FSTL4: variants seen among roughly 807,000 people sequenced by gnomAD.
FSTL4 encodes follistatin like 4.
A neutral mutation model predicts 78.2 loss-of-function variants in FSTL4; 28 were observed. That is an observed-to-expected ratio of 0.36 (90% CI 0.27 to 0.49). FSTL4 has a LOEUF of 0.49. FSTL4 is among the 20% of genes least tolerant of loss of function. The pLI is 0.98. For synonymous variants in FSTL4, 422 were observed against 440.5 expected (o/e 0.96, Z 0.53); for missense variants, 922 against 1,084.9 (o/e 0.85, Z 2.11).
At chr5:133,761,383 A>G in the FSTL4 span, among the ~76,000 whole-genome samples, 1 of 152,172 alleles carries the variant, frequency 6.6e-6, no homozygotes, top group Non-Finnish European at 1.5e-5. Flanking sequence ...TTTTATTCTA[A>G]CATTCTCGGT....
At chr5:133,435,598 T>A (rs1757019142) in intron 3 of FSTL4, among the ~76,000 whole-genome samples, 1 of 152,230 alleles carries the variant, frequency 6.6e-6, no homozygotes, top group Non-Finnish European at 1.5e-5. Flanking sequence ...AAATAACTGA[T>A]GATCCTTTTT....
chr5:133,221,699 A>C (rs546994906), intron 11 of FSTL4, among the ~76,000 whole-genome samples: 1 of 152,090 alleles, frequency 6.6e-6, no homozygotes, highest in African/African-American at 2.4e-5. Flanking sequence ...CTGTCTCTAT[A>C]AAGGGGGAAC....
chr5:133,756,376 C>G, the FSTL4 span, among the ~76,000 whole-genome samples: 2 of 151,742 alleles, frequency 1.3e-5, no homozygotes, highest in African/African-American at 2.4e-5. Flanking sequence ...GGCTTTTACT[C>G]TGTGTGGCAG....
intron 13 of FSTL4, among the ~76,000 whole-genome samples, chr5:133,212,268 CCATTGGATTT>C (rs1453981898): frequency 6.6e-6 from 1 of 152,206 alleles, no homozygotes; most frequent in Admixed American, 6.5e-5. Flanking sequence ...TAACCTTCTC[CCATTGGATTT>C]CATACTCTTA....
At chr5:133,775,591 A>G in the FSTL4 span, among the ~76,000 whole-genome samples, 1 of 152,220 alleles carries the variant, frequency 6.6e-6, no homozygotes. Flanking sequence ...TACATAGCGG[A>G]ACTCCATTTT....
At chr5:133,704,416 A>G in the FSTL4 span, among the ~76,000 whole-genome samples, 23 of 152,332 alleles carry the variant, frequency 1.5e-4, no homozygotes, top group East Asian at 5.8e-4. Context: ...CTACAGGCCA[A>G]GGCTGGGGTC....
At chr5:133,203,526 A>AT (rs1750394787) in intron 14 of FSTL4, among the ~76,000 whole-genome samples, 2 of 152,128 alleles carry the variant, frequency 1.3e-5, no homozygotes, top group African/African-American at 2.4e-5. Context: ...GCAAGCCATG[A>AT]TTTTCAGGTT....
At chr5:133,742,997 G>T in the FSTL4 span, among the ~76,000 whole-genome samples, 1 of 152,138 alleles carries the variant, frequency 6.6e-6, no homozygotes, top group Non-Finnish European at 1.5e-5. Context: ...GATTAGCAAA[G>T]AAAATATTTG....
chr5:133,731,613 G>C, the FSTL4 span, among the ~76,000 whole-genome samples: 2 of 152,130 alleles, frequency 1.3e-5, no homozygotes, highest in East Asian at 3.9e-4. Flanking sequence ...GGCTTGGGTG[G>C]GGGGCCAAGG....
At chr5:133,299,035 CA>C in intron 6 of FSTL4, among the ~76,000 whole-genome samples, 1 of 152,354 alleles carries the variant, frequency 6.6e-6, no homozygotes, top group East Asian at 1.9e-4. Context: ...ACACTGTTTT[CA>C]AAAGGAACAG....
At chr5:133,200,568 AACTTTAGCAGAGGG>A (rs1750289732) in intron 15 of FSTL4, among the ~76,000 whole-genome samples, 1 of 152,214 alleles carries the variant, frequency 6.6e-6, no homozygotes, top group Admixed American at 6.5e-5. Flanking sequence ...TCTAAGAGGG[AACTTTAGCAGAGGG>A]ACTCAGGTAG....
the FSTL4 span, among the ~76,000 whole-genome samples, chr5:133,653,374 C>G: frequency 2.6e-5 from 4 of 152,140 alleles, no homozygotes; most frequent in African/African-American, 4.8e-5. Flanking sequence ...GGCACCCCAG[C>G]CAATTGGAGG....
rs537958018 is a variant in FSTL4, at chr5:133,571,311, A to G, written c.127-4092T>C. On this transcript the variant is annotated intron_variant, in intron 2 of 15. Transcript: ENST00000265342. ...TCTATCTGTCTAACAAGGAAAAATA[A>G]ATCCTCTGTGGAAATCTATAAAGTG... Among the ~76,000 whole-genome samples, 6 of 152,322 alleles carry G rather than the reference A, an allele frequency of 3.9e-5. No homozygotes were observed. The South Asian group carries it at 1.2e-3, about 32-fold the overall frequency.
intron 3 of FSTL4, among the ~76,000 whole-genome samples, chr5:133,443,407 G>T (rs1191664806): frequency 6.6e-6 from 1 of 152,232 alleles, no homozygotes; most frequent in South Asian, 2.1e-4. Flanking sequence ...TCTAGTGTTG[G>T]CGCAACTCAT....
At chr5:133,804,249 A>G in the FSTL4 span, among the ~76,000 whole-genome samples, 2 of 152,282 alleles carry the variant, frequency 1.3e-5, no homozygotes, top group African/African-American at 2.4e-5. Flanking sequence ...CAGTGGCCCA[A>G]AGGAAAAGTT....
At chr5:133,229,996 C>T (rs1167593022) in intron 8 of FSTL4, among the ~76,000 whole-genome samples, 1 of 152,176 alleles carries the variant, frequency 6.6e-6, no homozygotes, top group Non-Finnish European at 1.5e-5. Flanking sequence ...CAGACTCCAC[C>T]CTCTCACTTC....
intron 3 of FSTL4, among the ~76,000 whole-genome samples, chr5:133,442,236 AAGATCCT>A (rs900477323): frequency 1.3e-5 from 2 of 152,334 alleles, no homozygotes; most frequent in African/African-American, 4.8e-5. Context: ...ATGGGATAAC[AAGATCCT>A]AGCTATCAGT....
chr5:133,488,678 G>T (rs1212374532), intron 3 of FSTL4, among the ~76,000 whole-genome samples: 3 of 152,218 alleles, frequency 2.0e-5, no homozygotes, highest in Non-Finnish European at 4.4e-5. Context: ...AGATTTGGAA[G>T]TAAATTCCCA....
the FSTL4 span, among the ~76,000 whole-genome samples, chr5:133,618,908 C>T: frequency 6.6e-6 from 1 of 152,194 alleles, no homozygotes; most frequent in African/African-American, 2.4e-5. Context: ...ATTAGTTGTC[C>T]TCATCATGAA....
Sources: gnomAD v4.1 joint callset for allele counts (sites outside exome capture counted in the v4.1 genomes callset) on GRCh38, gnomAD v4.1.1 for gene constraint, MANE v1.5 for transcripts, NCBI Gene and HGNC (gene_info 2026-07-23, HGNC 2026-07-21) for gene names.